Variants in MARCHF1 observed in about 807,000 individuals in gnomAD.
The protein encoded by MARCHF1 is E3 ubiquitin-protein ligase MARCHF1.
MARCHF1 carries 40 observed loss-of-function variants against 54.2 expected under a neutral mutation model. The observed-to-expected ratio is 0.74, with a 90% CI of 0.57 to 0.96. The LOEUF is 0.96. MARCHF1 is among the 40% of genes least tolerant of loss of function. The pLI is 0.00. For missense variants in MARCHF1, 586 were observed against 656.5 expected, an observed-to-expected ratio of 0.89 and a Z score of 1.17; for synonymous variants, 236 against 236.3, an observed-to-expected ratio of 1.00 and a Z score of 0.01.
chr4:164,087,146 T>C (rs1755207830), intron 2 of MARCHF1, among the ~76,000 whole-genome samples: 1 of 152,032 alleles, frequency 6.6e-6, no homozygotes, highest in South Asian at 2.1e-4. Context: ...AATTTTGATG[T>C]TTTGGTCAAT....
chr4:163,856,978 A>G (rs1024526960), intron 3 of MARCHF1, among the ~76,000 whole-genome samples: 1 of 151,620 alleles, frequency 6.6e-6, no homozygotes, highest in African/African-American at 2.4e-5. Flanking sequence ...GCGCCACTGC[A>G]CTCCAGCCTG....
intron 4 of MARCHF1, among the ~76,000 whole-genome samples, chr4:163,802,404 C>G (rs1179057424): frequency 6.6e-6 from 1 of 152,094 alleles, no homozygotes; most frequent in African/African-American, 2.4e-5. Context: ...AAACACATTT[C>G]AAAAGCCTGT....
At chr4:163,698,832 A>G (rs1253920427) in intron 5 of MARCHF1, among the ~76,000 whole-genome samples, 1 of 152,214 alleles carries the variant, frequency 6.6e-6, no homozygotes, top group Non-Finnish European at 1.5e-5. Context: ...GTCATTACTT[A>G]TTCAACATTA....
intron 1 of MARCHF1, among the ~76,000 whole-genome samples, chr4:164,310,074 T>A (rs997454432): frequency 6.6e-6 from 1 of 152,042 alleles, no homozygotes; most frequent in African/African-American, 2.4e-5. Context: ...TTTATTTTTT[T>A]AATTTTTATT....
At chr4:163,924,557 C>T (rs72685701) in intron 3 of MARCHF1, among the ~76,000 whole-genome samples, 31,288 of 151,746 alleles carry the variant, frequency 0.21, 4,014 homozygotes, top group Non-Finnish European at 0.29. Flanking sequence ...TCCAAATTTG[C>T]GATTTTATTA....
intron 4 of MARCHF1, among the ~76,000 whole-genome samples, chr4:163,734,751 T>C (rs1407914908): frequency 3.9e-5 from 6 of 152,168 alleles, no homozygotes; most frequent in Non-Finnish European, 7.4e-5. Context: ...GCTCATTATA[T>C]TGATTGCAGT....
intron 2 of MARCHF1, among the ~76,000 whole-genome samples, chr4:164,094,475 T>C (rs1271342260): frequency 1.3e-5 from 2 of 152,080 alleles, no homozygotes; most frequent in East Asian, 3.9e-4. Flanking sequence ...ATTTGAGCAG[T>C]GGATATCAGT....
At chr4:163,721,794 C>T (rs1046216254) in intron 4 of MARCHF1, among the ~76,000 whole-genome samples, 2 of 151,978 alleles carry the variant, frequency 1.3e-5, no homozygotes, top group African/African-American at 4.8e-5. Context: ...CCATTTCTTC[C>T]AGATTTTCTA....
intron 2 of MARCHF1, among the ~76,000 whole-genome samples, chr4:164,105,284 C>T (rs1755666204): frequency 9.1e-6 from 1 of 110,228 alleles, no homozygotes; most frequent in African/African-American, 3.3e-5. Flanking sequence ...TCATATGGAA[C>T]CAAAAAAGAG....
At chr4:164,155,309 G>A (rs6536800) in intron 1 of MARCHF1, among the ~76,000 whole-genome samples, 29,003 of 149,348 alleles carry the variant, frequency 0.19, 4,419 homozygotes, top group African/African-American at 0.41. Flanking sequence ...TTACCTGTTC[G>A]TTATAATTTA....
At chr4:163,826,964 G>A (rs1033347099) in intron 4 of MARCHF1, among the ~76,000 whole-genome samples, 2 of 151,896 alleles carry the variant, frequency 1.3e-5, no homozygotes, top group East Asian at 3.9e-4. Flanking sequence ...GAAAAAAGCT[G>A]GGTTAAGTTT....
At chr4:164,170,199 AAC>A (rs1208255831) in intron 1 of MARCHF1, among the ~76,000 whole-genome samples, 2 of 152,168 alleles carry the variant, frequency 1.3e-5, no homozygotes, top group Admixed American at 6.5e-5. Flanking sequence ...GAAAATAGTA[AAC>A]ACATCTCAAA....
At chr4:164,061,611 G>A (rs960082973) in intron 2 of MARCHF1, among the ~76,000 whole-genome samples, 1 of 150,798 alleles carries the variant, frequency 6.6e-6, no homozygotes, top group Non-Finnish European at 1.5e-5. Flanking sequence ...CAGCACACCA[G>A]CATGGCACAT....
At chr4:164,162,614 G>A (rs1730267588) in intron 1 of MARCHF1, among the ~76,000 whole-genome samples, 1 of 152,052 alleles carries the variant, frequency 6.6e-6, no homozygotes, top group Non-Finnish European at 1.5e-5. Flanking sequence ...TCCTTTTAGG[G>A]AAAGAGTAAA....
rs375409508 is a variant in MARCHF1 at position 164,282,024 on chromosome 4, C to T, written c.-323+101846G>A. Among the ~76,000 whole-genome samples the T allele has an allele frequency of 6.6e-5, 10 of 151,052 alleles. 3 individuals are homozygous for T. In the East Asian group the frequency reaches 1.2e-3, roughly 18 times the overall value. On this transcript the variant is annotated intron_variant, in intron 1 of 9. Transcript: ENST00000514618. ...TCATTCCATTCATCGTTTCACTCTA[C>T]CCTATAGACCTCTAGTACCCAATTT... is the stretch of plus-strand genomic sequence containing the variant.
At chr4:163,932,514 C>A in intron 3 of MARCHF1, 2 of 359,112 alleles carry the variant, frequency 5.6e-6, no homozygotes, top group East Asian at 7.6e-5. Context: ...TACTTTCACC[C>A]TGACTCCTGC....
chr4:164,236,768 T>A (rs1732575212), intron 1 of MARCHF1, among the ~76,000 whole-genome samples: 1 of 152,124 alleles, frequency 6.6e-6, no homozygotes, highest in Non-Finnish European at 1.5e-5. Flanking sequence ...GAAGACTGAT[T>A]ATTTATAACC....
chr4:163,540,954 G>A (rs979747216), intron 9 of MARCHF1, among the ~76,000 whole-genome samples: 1 of 152,190 alleles, frequency 6.6e-6, no homozygotes, highest in African/African-American at 2.4e-5. Context: ...GGGGGACTGA[G>A]GGGAGGATGT....
At chr4:164,106,510 G>T (rs563519682) in intron 2 of MARCHF1, among the ~76,000 whole-genome samples, 15 of 126,740 alleles carry the variant, frequency 1.2e-4, no homozygotes, top group South Asian at 5.3e-4. Context: ...GTAAACTATC[G>T]CAAGAACAAA....
Sources: allele counts gnomAD v4.1 joint callset (sites outside exome capture counted in the v4.1 genomes callset), GRCh38; gene constraint gnomAD v4.1.1; transcripts MANE v1.5; gene names NCBI Gene and HGNC (gene_info 2026-07-23, HGNC 2026-07-21).